NRBP1: variants seen among roughly 807,000 people sequenced by gnomAD.
The protein encoded by NRBP1 is nuclear receptor-binding protein.
In NRBP1, 10 loss-of-function variants were observed where a neutral mutation model predicts 76.0. The ratio of observed to expected loss-of-function variants is 0.13; its 90% CI spans 0.08 to 0.22. The LOEUF (loss-of-function observed/expected upper bound fraction) is 0.22. NRBP1 is among the 10% of genes least tolerant of loss of function. The pLI, the probability that NRBP1 is intolerant of heterozygous loss-of-function variation, is 1.00. For synonymous variants in NRBP1, 235 were observed against 240.2 expected (o/e 0.98, Z 0.20); for missense variants, 344 against 646.0 (o/e 0.53, Z 5.07).
At chr2:27,436,690 C>A in intron 7 of NRBP1, 63 bp from the exon 8 acceptor site, 1 of 1,474,776 alleles carries the variant, frequency 6.8e-7, no homozygotes. Flanking sequence ...TGGGGCCTCT[C>A]TCTGGAGTGA....
At chr2:27,437,158 G>A in intron 9 of NRBP1, 53 bp downstream of exon 9, 1 of 1,590,808 alleles carries the variant, frequency 6.3e-7, no homozygotes, top group Non-Finnish European at 8.6e-7. Context: ...AGATGGAATT[G>A]GGAATGGAGG....
At chr2:27,427,865 C>T (rs1422556047), upstream of NRBP1, 3 of 152,212 alleles carry the variant, frequency 2.0e-5, no homozygotes, top group Admixed American at 6.5e-5. Context: ...TAATAGCTCA[C>T]CAAGAATTTA....
At chr2:27,429,730 T>TG (rs1664028082) in intron 1 of NRBP1, among the ~76,000 whole-genome samples, 4 of 151,846 alleles carry the variant, frequency 2.6e-5, no homozygotes, top group South Asian at 2.1e-4. Flanking sequence ...ATTAGGAAGG[T>TG]GGGGGGGATA....
At chr2:27,429,142 TG>T (rs1664001044) in intron 1 of NRBP1, 1 of 153,318 alleles carries the variant, frequency 6.5e-6, no homozygotes, top group African/African-American at 2.4e-5. Flanking sequence ...CGCGGGGGCG[TG>T]GCCTGCGCCC....
chr2:27,439,089 C>T (rs1228042689), intron 10 of NRBP1, among the ~76,000 whole-genome samples: 1 of 152,030 alleles, frequency 6.6e-6, no homozygotes, highest in Non-Finnish European at 1.5e-5. Context: ...GAATATTGAT[C>T]ACATTGGGTA....
Position 27,433,247 on chromosome 2 carries a change from A to C in NRBP1, c.-20-7A>C, listed in dbSNP as rs1558334418. ...TTTTCCCTCTGTATTTGCCCCAACCAGTGCAGGCCTGAGTGTTCCTTCCAG... is the reference window on the plus strand; with the variant it reads ...TTTTCCCTCTGTATTTGCCCCAACCCGTGCAGGCCTGAGTGTTCCTTCCAG... On this transcript the variant is annotated splice_region_variant and splice_polypyrimidine_tract_variant and intron_variant, in intron 1 of 17. Coordinates refer to ENST00000379852, the MANE Select transcript of NRBP1 (RefSeq NM_013392.4). 6.3e-7 allele frequency: 1 copy of C among 1,590,828 alleles called. No individual in the cohort carries two copies. Among genetic ancestry groups the C allele is most frequent in the Admixed American group, 1.7e-5 (1 of 59,962 alleles).
Position 27,432,574 on chromosome 2 carries a change from C to CT in NRBP1, c.-20-671dup, listed in dbSNP as rs368624636. On this transcript the variant is annotated intron_variant, in intron 1 of 17. Transcript: ENST00000379852. ...CAGATAAGTATTAGGATTATTAAAT[C>CT]TTTTTTTTTGTTTGTTTGTTTTTTG... is the stretch of plus-strand genomic sequence containing the variant. Among the ~76,000 whole-genome samples, 249 of 151,042 alleles carry CT rather than the reference C, an allele frequency of 1.6e-3. 4 individuals carry two copies. The highest frequency in any genetic ancestry group is 5.6e-3 in the African/African-American group (229 of 41,128).
chr2:27,433,891 T>C, intron 3 of NRBP1, 96 bp downstream of exon 3: 1 of 1,604,176 alleles, frequency 6.2e-7, no homozygotes, highest in Non-Finnish European at 8.5e-7. Flanking sequence ...GAGAGTATGT[T>C]GGGGTTAGAT....
Position 27,440,429 on chromosome 2 carries a change from G to C in NRBP1, c.1063G>C (p.Glu355Gln). The change falls in exon 12 of 18, where the codon GAG becomes CAG. Residue 355 changes from glutamate (E) to glutamine (Q), a missense_variant. By Grantham distance (29) the Glu-to-Gln change is conservative. This residue lies in a region of NRBP1 where 218 missense variants were observed against 309.8 expected (regional missense o/e 0.70). Transcript: ENST00000379852. The stretch of plus-strand genomic sequence containing the variant: ...CATGATCCCAGAGAACGCTCTAGAG[G>C]AGATCACCAAAAACATGGATACTAG... Reference protein sequence around the residue: ...QHMIPENALEEITKNMDTSAV... With the variant: ...QHMIPENALEQITKNMDTSAV... 1 of 1,613,594 alleles carries C rather than the reference G, an allele frequency of 6.2e-7. No individual in the cohort carries two copies.
intron 11 of NRBP1, chr2:27,440,201 G>A (rs1484515762): frequency 1.8e-6 from 1 of 567,108 alleles, no homozygotes; most frequent in African/African-American, 1.9e-5. Context: ...TAGTAGAGAT[G>A]GGGTTTCGCC....
intron 1 of NRBP1, among the ~76,000 whole-genome samples, chr2:27,432,700 C>T (rs1464827071): frequency 6.6e-6 from 1 of 151,924 alleles, no homozygotes; most frequent in Non-Finnish European, 1.5e-5. Flanking sequence ...ATCAGCCTCT[C>T]GGGTAGCTGG....
Position 27,441,000 on chromosome 2 carries a change from C to G in NRBP1, c.1329+60C>G. On this transcript the variant is annotated intron_variant, in intron 14 of 17. Coordinates refer to ENST00000379852, the MANE Select transcript of NRBP1 (RefSeq NM_013392.4). ...TTGTGGTGGAAGGGAGAGAGGACAT[C>G]TCAAATAAGGCTCTATCCTTTAGAG... 3 of 1,610,854 alleles carry G rather than the reference C, an allele frequency of 1.9e-6. No homozygotes were observed. The South Asian group carries it at 3.3e-5, about 18-fold the overall frequency.
Position 27,435,561 on chromosome 2 carries a change from G to C in NRBP1, c.661+334G>C, listed in dbSNP as rs1664272304. On this transcript the variant is annotated intron_variant, in intron 7 of 17. Coordinates refer to ENST00000379852, the MANE Select transcript of NRBP1 (RefSeq NM_013392.4). ...AGGTTCCAGGCTGTTCCTGCTGTGA[G>C]TGCTTTCGTTTGCTGTGTATTGTAT... is the stretch of plus-strand genomic sequence containing the variant. The C allele has an allele frequency of 4.5e-6, 3 of 660,444 alleles. No individual in the cohort carries two copies. In the South Asian group the frequency reaches 5.1e-5, roughly 11 times the overall value. 40.9% of individuals were successfully genotyped at this position (660,444 alleles called of 1,614,324 possible).
chr2:27,441,841 G>A lies in NRBP1; in HGVS notation c.*29G>A, dbSNP rs377203491. Reference sequence around the variant, plus strand: ...TCACTCGGGCCAGGCCCTGATCTGCGCTGTGGCTGTCCCTGGACGTGCTGC... The same window carrying A: ...TCACTCGGGCCAGGCCCTGATCTGCACTGTGGCTGTCCCTGGACGTGCTGC... On this transcript the variant is annotated 3_prime_UTR_variant, in exon 18 of 18. Transcript: ENST00000379852. 1.8e-4 allele frequency: 259 copies of A among 1,410,970 alleles called. No individual in the cohort carries two copies. Among genetic ancestry groups the A allele is most frequent in the African/African-American group, 3.0e-4 (21 of 71,018 alleles). The allele number at this position is 1,410,970 out of a possible 1,614,324, so 87.4% of individuals were successfully genotyped here.
chr2:27,442,045 A>C lies in NRBP1; in HGVS notation c.*233A>C, dbSNP rs1245598842. ...CACAGACGTGGGCCTGGGCCTTCTC[A>C]GCAGCCGCCTTCTAGTTGGGGGCTA... is the stretch of plus-strand genomic sequence containing the variant. On this transcript the variant is annotated 3_prime_UTR_variant, in exon 18 of 18. Coordinates refer to ENST00000379852, the MANE Select transcript of NRBP1 (RefSeq NM_013392.4). The C allele has an allele frequency of 1.3e-5, 7 of 536,464 alleles. No individual in the cohort carries two copies. The highest frequency in any genetic ancestry group is 1.3e-5 in the Non-Finnish European group (4 of 306,848). 33.2% of individuals were successfully genotyped at this position (536,464 alleles called of 1,614,324 possible).
chr2:27,441,758 C>T lies in NRBP1; in HGVS notation c.1554C>T (p.Phe518=). The T allele has an allele frequency of 6.2e-7, 1 of 1,614,028 alleles. No homozygotes were observed. Among genetic ancestry groups the T allele is most frequent in the Non-Finnish European group, 8.5e-7 (1 of 1,179,948 alleles). The stretch of plus-strand genomic sequence containing the variant: ...TGCTAGAAGAGACCTTGAACAAGTT[C>T]AATTTTGCCAGGAACAGTACCCTCA... ...TSLLEETLNK[F]NFARNSTLNS... Residue 518 remains phenylalanine (F), a synonymous_variant, in exon 18 of 18, where the codon TTC becomes TTT. Transcript: ENST00000379852.
chr2:27,441,489 A>G, intron 16 of NRBP1, 78 bp from the exon 17 acceptor site: 1 of 1,519,008 alleles, frequency 6.6e-7, no homozygotes, highest in South Asian at 1.1e-5. Context: ...CTGACAGTTT[A>G]GCCCTAGTGG....
chr2:27,435,912 T>C, intron 7 of NRBP1: 1 of 646,714 alleles, frequency 1.5e-6, no homozygotes, highest in Non-Finnish European at 2.8e-6. Flanking sequence ...TGCTTGCCCC[T>C]TCATAACCTG....
chr2:27,434,392 C>T (rs1572688870), intron 4 of NRBP1, 79 bp from the exon 5 acceptor site: 1 of 1,070,072 alleles, frequency 9.3e-7, no homozygotes, highest in African/African-American at 1.6e-5. Context: ...TTTAACAAAC[C>T]TTCAAATTTA....
Sources: gnomAD v4.1 joint callset for allele counts (sites outside exome capture counted in the v4.1 genomes callset) on GRCh38, gnomAD v4.1.1 for gene constraint, gnomAD v4.1.1 regional missense constraint, MANE v1.5 for transcripts, NCBI Gene and HGNC (gene_info 2026-07-23, HGNC 2026-07-21) for gene names.